STAT1: variants seen among roughly 807,000 people sequenced by gnomAD.
The protein encoded by STAT1 is signal transducer and activator of transcription 1.
A neutral mutation model predicts 111.7 loss-of-function variants in STAT1; 24 were observed. The observed-to-expected ratio is 0.21, with a 90% confidence interval of 0.16 to 0.30. The LOEUF (loss-of-function observed/expected upper bound fraction) is 0.30, where lower values mean the gene tolerates loss of function less well. Ranked by LOEUF, STAT1 falls within the 10% of genes least tolerant of loss-of-function variation. The pLI, the probability that STAT1 is intolerant of heterozygous loss-of-function variation, is 1.00. For synonymous variants in STAT1, 332 were observed against 326.5 expected, an observed-to-expected ratio of 1.02 and a Z score of -0.18; for missense variants, 351 against 911.9, an observed-to-expected ratio of 0.38 and a Z score of 7.92.
rs1692965526 is a variant in STAT1, at chr2:190,987,723, C to T, written c.1098-655G>A. 6.6e-6 allele frequency among the ~76,000 whole-genome samples: 1 copy of T among 152,186 alleles called. No homozygotes were observed. Among genetic ancestry groups the T allele is most frequent in the Non-Finnish European group, 1.5e-5 (1 of 68,042 alleles). On this transcript the variant is annotated intron_variant, in intron 12 of 24. Transcript: ENST00000361099. This position sits in a 1 kb window ranked among gnomAD's most constrained non-coding sequence, Gnocchi z 4.0. Reference sequence around the variant, plus strand: ...GTCATGTTCTGGCCAAATAATGTATCCGTGAGCGTCCTAGATGTAGACTAG... The same window carrying T: ...GTCATGTTCTGGCCAAATAATGTATTCGTGAGCGTCCTAGATGTAGACTAG...
intron 15 of STAT1, among the ~76,000 whole-genome samples, 181 bp downstream of exon 15, chr2:190,985,437 AG>A (rs1276252209): frequency 6.6e-6 from 1 of 152,224 alleles, no homozygotes; most frequent in African/African-American, 2.4e-5. Flanking sequence ...GTTTGACAAT[AG>A]TAAAGCACAA....
In STAT1 at chr2:190,984,329, C is replaced by T; in HGVS notation, c.1328G>A (p.Gly443Asp). Residue 443 changes from glycine (G) to aspartate (D), a missense_variant, in exon 16 of 25, where the codon GGT becomes GAT. Coordinates refer to ENST00000361099, the MANE Select transcript of STAT1 (RefSeq NM_007315.4). The surrounding 1 kb of genome is among the most constrained non-coding windows in gnomAD (Gnocchi z 5.2). ...TCTTACCTCGAGGTCAATTACCAAACCAGGCTGGCACAATTGGGTTTCAAA... is the reference window on the plus strand; with the variant it reads ...TCTTACCTCGAGGTCAATTACCAAATCAGGCTGGCACAATTGGGTTTCAAA... ...LSFETQLCQP[G>D]LVIDLETTSL... The T allele has an allele frequency of 6.2e-7, 1 of 1,614,078 alleles. No individual in the cohort carries two copies. The highest frequency in any genetic ancestry group is 8.5e-7 in the Non-Finnish European group (1 of 1,179,966).
rs1188989785 is a variant in STAT1 at position 190,978,148 on chromosome 2, G to A, written c.1873+708C>T. 6.6e-6 allele frequency among the ~76,000 whole-genome samples: 1 copy of A among 152,142 alleles called. No homozygotes were observed. Among genetic ancestry groups the A allele is most frequent in the Non-Finnish European group, 1.5e-5 (1 of 68,028 alleles). On this transcript the variant is annotated intron_variant, in intron 21 of 24. Coordinates refer to ENST00000361099, the MANE Select transcript of STAT1 (RefSeq NM_007315.4). The surrounding 1 kb of genome is among the most constrained non-coding windows in gnomAD (Gnocchi z 6.1). ...TCCATTTTGTGTCTACCCACTGAAAGTATAAAAATTACTAAAACAAATCAG... is the reference window on the plus strand; with the variant it reads ...TCCATTTTGTGTCTACCCACTGAAAATATAAAAATTACTAAAACAAATCAG...
intron 10 of STAT1, chr2:190,992,820 T>C (rs138784699): frequency 0.015 from 5,827 of 387,516 alleles, 67 homozygotes; most frequent in East Asian, 0.026. Flanking sequence ...GACAGAGTCT[T>C]GCTCCGTCTC....
chr2:190,979,814 A>G lies in STAT1; in HGVS notation c.1685T>C (p.Leu562Pro), dbSNP rs1692219889. 6.2e-7 allele frequency: 1 copy of G among 1,613,832 alleles called. No homozygotes were observed. Among genetic ancestry groups the G allele is most frequent in the South Asian group, 1.1e-5 (1 of 91,078 alleles). The change falls in exon 20 of 25, where the codon CTA (leucine) becomes CCA (proline). Residue 562 changes from leucine to proline, a missense_variant. Around this residue, in one of 7 missense-constraint regions of STAT1, gnomAD observed 181 missense variants for 426.1 expected, o/e 0.42. Coordinates refer to ENST00000361099, the MANE Select transcript of STAT1 (RefSeq NM_007315.4). This position sits in a 1 kb window ranked among gnomAD's most constrained non-coding sequence, Gnocchi z 5.8. ...FPFWLWIESI[L>P]ELIKKHLLPL... ...GAGCAGGTGTTTTTTAATGAGTTCT[A>G]GGATGCTTTCAATCCAAAGCCAGAA...
chr2:190,993,965 T>C lies in STAT1; in HGVS notation c.944+1096A>G, dbSNP rs1427600553. Among the ~76,000 whole-genome samples, 2 of 151,868 alleles carry C rather than the reference T, an allele frequency of 1.3e-5. No individual in the cohort carries two copies. The highest frequency in any genetic ancestry group is 2.9e-5 in the Non-Finnish European group (2 of 67,976). On this transcript the variant is annotated intron_variant, in intron 10 of 24. Transcript: ENST00000361099. The surrounding 1 kb of genome is among the most constrained non-coding windows in gnomAD (Gnocchi z 4.1). ...CCAGAACTTTATGATATTCAAGAAATATAAAGAAATACATAACAACTATAT... is the reference window on the plus strand; with the variant it reads ...CCAGAACTTTATGATATTCAAGAAACATAAAGAAATACATAACAACTATAT...
In STAT1 at chr2:190,974,808, ACAGGC is replaced by A. The variant is rs1398206665; in HGVS notation, c.2238+17_2238+21del. 3 of 1,600,586 alleles carry A rather than the reference ACAGGC, an allele frequency of 1.9e-6. No homozygotes were observed. In the African/African-American group the frequency reaches 4.0e-5, roughly 21 times the overall value. ...CACACACACTTATTGAGAGCTACACACAGGCCAGCCGTGGTACTCACCATACTGTC... is the reference window on the plus strand; with the variant it reads ...CACACACACTTATTGAGAGCTACACACAGCCGTGGTACTCACCATACTGTC... On this transcript the variant is annotated intron_variant, in intron 24 of 24. Coordinates refer to ENST00000361099, the MANE Select transcript of STAT1 (RefSeq NM_007315.4). The surrounding 1 kb of genome is among the most constrained non-coding windows in gnomAD (Gnocchi z 4.8).
intron 5 of STAT1, among the ~76,000 whole-genome samples, chr2:191,002,687 G>A (rs180757536): frequency 7.6e-4 from 116 of 152,202 alleles, no homozygotes; most frequent in African/African-American, 2.6e-3. Context: ...CCACCAATAC[G>A]ATGCTAAATA....
rs183575181 is a variant in STAT1, at chr2:190,996,988, T to C, written c.785+868A>G. Among the ~76,000 whole-genome samples, 4 of 152,350 alleles carry C rather than the reference T, an allele frequency of 2.6e-5. No individual in the cohort carries two copies. Among genetic ancestry groups the C allele is most frequent in the African/African-American group, 9.6e-5 (4 of 41,588 alleles). ...CTCCTGCTTAAGAAAAAAGCCTGCC[T>C]TGGCTCAGCAGTACAGCTGCGTACA... On this transcript the variant is annotated intron_variant, in intron 9 of 24. Transcript: ENST00000361099. This position sits in a 1 kb window ranked among gnomAD's most constrained non-coding sequence, Gnocchi z 4.5.
Position 190,970,868 on chromosome 2 carries a change from C to A in STAT1, c.2239-151G>T. ...TACCGTGGAATAAGAGGGCCTTCAG[C>A]ATGTACTATGTATTATCCTGGGCTA... On this transcript the variant is annotated intron_variant, in intron 24 of 24. Coordinates refer to ENST00000361099, the MANE Select transcript of STAT1 (RefSeq NM_007315.4). The surrounding 1 kb of genome is among the most constrained non-coding windows in gnomAD (Gnocchi z 5.4). The A allele has an allele frequency of 1.3e-6, 1 of 744,284 alleles. No homozygotes were observed. 46.1% of individuals were successfully genotyped at this position (744,284 alleles called of 1,614,324 possible).
At position 190,981,936 on chromosome 2, in the gene STAT1, T is replaced by C. The variant is rs45522433; in HGVS notation, c.1582+447A>G. ...ATCCTCTTGTGGGGACGGCATCCTC[T>C]GCTACCTGGGCCCCACCTGAGGCAA... On this transcript the variant is annotated intron_variant, in intron 18 of 24. Coordinates refer to ENST00000361099, the MANE Select transcript of STAT1 (RefSeq NM_007315.4). This position sits in a 1 kb window ranked among gnomAD's most constrained non-coding sequence, Gnocchi z 4.1. 1.6e-4 allele frequency among the ~76,000 whole-genome samples: 25 copies of C among 152,244 alleles called. No individual in the cohort carries two copies. Among genetic ancestry groups the C allele is most frequent in the African/African-American group, 6.0e-4 (25 of 41,460 alleles).
At position 190,980,170 on chromosome 2, in the gene STAT1, C is replaced by T. The variant is rs113800461; in HGVS notation, c.1633-304G>A. Reference sequence around the variant, plus strand: ...CGTGACTCACGGAAACACAAGCTGCCCCACACTAGCAAAATCCAGCAGTGC... The same window carrying T: ...CGTGACTCACGGAAACACAAGCTGCTCCACACTAGCAAAATCCAGCAGTGC... On this transcript the variant is annotated intron_variant, in intron 19 of 24. Coordinates refer to ENST00000361099, the MANE Select transcript of STAT1 (RefSeq NM_007315.4). This position sits in a 1 kb window ranked among gnomAD's most constrained non-coding sequence, Gnocchi z 6.1. Among the ~76,000 whole-genome samples, 34 of 152,312 alleles carry T rather than the reference C, an allele frequency of 2.2e-4. No individual in the cohort carries two copies. The highest frequency in any genetic ancestry group is 7.7e-4 in the African/African-American group (32 of 41,566).
chr2:190,986,434 G>A lies in STAT1; in HGVS notation c.1221+420C>T, dbSNP rs984290077. Among the ~76,000 whole-genome samples the A allele has an allele frequency of 2.0e-5, 3 of 152,210 alleles. No homozygotes were observed. Among genetic ancestry groups the A allele is most frequent in the African/African-American group, 7.2e-5 (3 of 41,446 alleles). ...GAGTCAGGCTGGCGTGGAGGCAGGG[G>A]CTGTGGGCAGGGCCACCAGGAAGGG... On this transcript the variant is annotated intron_variant, in intron 14 of 24. Transcript: ENST00000361099. The surrounding 1 kb of genome is among the most constrained non-coding windows in gnomAD (Gnocchi z 5.0).
chr2:190,988,575 T>G (rs546226443), intron 12 of STAT1, among the ~76,000 whole-genome samples: 1 of 152,280 alleles, frequency 6.6e-6, no homozygotes, highest in Non-Finnish European at 1.5e-5. Flanking sequence ...AGACGGGGTT[T>G]CGCCATGTTG....
chr2:190,994,957 T>TA, intron 10 of STAT1, 104 bp downstream of exon 10: 1 of 415,148 alleles, frequency 2.4e-6, no homozygotes, highest in Non-Finnish European at 4.4e-6. Flanking sequence ...TATATATATA[T>TA]AAAAAACACC....
intron 24 of STAT1, among the ~76,000 whole-genome samples, chr2:190,972,705 A>G (rs957087289): frequency 4.0e-5 from 6 of 151,568 alleles, no homozygotes; most frequent in African/African-American, 1.5e-4. Flanking sequence ...TGCCGTGCCT[A>G]TATTATGAAC....
At chr2:190,985,426 C>T (rs555560692) in intron 15 of STAT1, among the ~76,000 whole-genome samples, 193 bp downstream of exon 15, 15 of 152,226 alleles carry the variant, frequency 9.9e-5, no homozygotes, top group Non-Finnish European at 1.8e-4. Flanking sequence ...TGTGCAAAAT[C>T]GTTTGACAAT....
rs1041440211 is a variant in STAT1 at position 190,993,713 on chromosome 2, C to T, written c.944+1348G>A. On this transcript the variant is annotated intron_variant, in intron 10 of 24. Transcript: ENST00000361099. This position sits in a 1 kb window ranked among gnomAD's most constrained non-coding sequence, Gnocchi z 4.1. ...TCTTCCCCGACTCTGCCCCCTGGAACGCAATCAGCAGCCGCTGCCACTCAG... is the reference window on the plus strand; with the variant it reads ...TCTTCCCCGACTCTGCCCCCTGGAATGCAATCAGCAGCCGCTGCCACTCAG... 2.3e-5 allele frequency: 9 copies of T among 384,434 alleles called. No individual in the cohort carries two copies. Among genetic ancestry groups the T allele is most frequent in the South Asian group, 1.2e-4 (5 of 43,394 alleles). The allele number at this position is 384,434 out of a possible 1,614,324, so 23.8% of individuals were successfully genotyped here.
chr2:190,996,109 TG>T lies in STAT1; in HGVS notation c.786-891del, dbSNP rs1247164970. Among the ~76,000 whole-genome samples, 7 of 152,166 alleles carry T rather than the reference TG, an allele frequency of 4.6e-5. No individual in the cohort carries two copies. The highest frequency in any genetic ancestry group is 1.0e-4 in the Non-Finnish European group (7 of 68,024). On this transcript the variant is annotated intron_variant, in intron 9 of 24. Transcript: ENST00000361099. The surrounding 1 kb of genome is among the most constrained non-coding windows in gnomAD (Gnocchi z 4.5). ...GGAAGAGAGGAAGGAATGATGATTC[TG>T]GTTTCACTCAACTGAAAGGAGAAGG... is the stretch of plus-strand genomic sequence containing the variant.
Sources: gnomAD v4.1 joint callset for allele counts (sites outside exome capture counted in the v4.1 genomes callset) on GRCh38, gnomAD v4.1.1 for gene constraint, gnomAD v4.1.1 regional missense constraint, Gnocchi (gnomAD v3.1) non-coding constraint, MANE v1.5 for transcripts, NCBI Gene and HGNC (gene_info 2026-07-23, HGNC 2026-07-21) for gene names.